The following ERBB4 variants were observed in gnomAD, a reference collection of about 807,000 sequenced individuals.
ERBB4 encodes the protein receptor tyrosine-protein kinase erbB-4.
ERBB4 carries 42 observed loss-of-function variants against 158.0 expected under a neutral mutation model. The observed-to-expected ratio is 0.27, with a 90% CI of 0.21 to 0.34. ERBB4 has a LOEUF of 0.34. ERBB4 is among the 10% of genes least tolerant of loss of function. ERBB4 has a pLI of 1.00. For synonymous variants in ERBB4, 583 were observed against 558.7 expected (o/e 1.04, Z -0.61); for missense variants, 1,333 against 1,624.1 (o/e 0.82, Z 3.08).
chr2:211,611,282 G>A (rs924630912), intron 19 of ERBB4, among the ~76,000 whole-genome samples: 15 of 151,978 alleles, frequency 9.9e-5, no homozygotes. Context: ...CAACCCACAA[G>A]CAGATAGAAA....
intron 20 of ERBB4, among the ~76,000 whole-genome samples, chr2:211,466,877 CTCTCTCTCTTT>C (rs1287855129): frequency 1.3e-5 from 2 of 152,032 alleles, no homozygotes; most frequent in African/African-American, 4.8e-5. Context: ...GTTTTCCTCT[CTCTCTCTCTTT>C]TCTCTCTCCA....
At chr2:212,406,140 A>C (rs2091337694) in intron 1 of ERBB4, among the ~76,000 whole-genome samples, 1 of 152,100 alleles carries the variant, frequency 6.6e-6, no homozygotes, top group African/African-American at 2.4e-5. Context: ...TTTTATTCCC[A>C]TAGTATGGCC....
intron 9 of ERBB4, among the ~76,000 whole-genome samples, chr2:211,706,601 C>CA (rs201615846): frequency 0.015 from 1,457 of 94,264 alleles, 11 homozygotes; most frequent in African/African-American, 0.032. Flanking sequence ...CTTAAAAAAA[C>CA]AAAAAAAAAA....
chr2:211,782,669 G>A (rs1250774764), intron 4 of ERBB4, among the ~76,000 whole-genome samples: 3 of 152,172 alleles, frequency 2.0e-5, no homozygotes, highest in South Asian at 2.1e-4. Flanking sequence ...TTCAGAGAAT[G>A]GATTCGGGAG....
intron 24 of ERBB4, 33 bp from the exon 25 acceptor site, chr2:211,420,644 T>A: frequency 1.9e-6 from 3 of 1,569,630 alleles, no homozygotes; most frequent in Non-Finnish European, 2.6e-6. Flanking sequence ...GACACAAATA[T>A]GATTCTTTCT....
intron 3 of ERBB4, 115 bp from the exon 4 acceptor site, chr2:211,788,274 C>T (rs1307621519): frequency 1.4e-6 from 1 of 731,472 alleles, no homozygotes; most frequent in African/African-American, 1.8e-5. Flanking sequence ...AGTCATGTTG[C>T]TAATAGCCAA....
chr2:211,531,481 T>C (rs563755863), intron 20 of ERBB4, among the ~76,000 whole-genome samples: 1 of 152,062 alleles, frequency 6.6e-6, no homozygotes, highest in East Asian at 1.9e-4. Context: ...TAATAATCTG[T>C]TCAAAAAATG....
chr2:212,329,125 T>C (rs2088006097), intron 1 of ERBB4, among the ~76,000 whole-genome samples: 1 of 152,064 alleles, frequency 6.6e-6, no homozygotes, highest in African/African-American at 2.4e-5. Flanking sequence ...TTTCATTTTT[T>C]CACTTTAAAG....
At chr2:211,700,114 T>C (rs1241267651) in intron 12 of ERBB4, among the ~76,000 whole-genome samples, 1 of 152,154 alleles carries the variant, frequency 6.6e-6, no homozygotes, top group Non-Finnish European at 1.5e-5. Flanking sequence ...ACTAATTTTT[T>C]TAAGGATGTG....
At chr2:211,849,512 T>A (rs867218689) in intron 3 of ERBB4, among the ~76,000 whole-genome samples, 2 of 151,958 alleles carry the variant, frequency 1.3e-5, no homozygotes, top group Non-Finnish European at 2.9e-5. Context: ...AAAGTTGATA[T>A]CTATCTTGAG....
chr2:212,390,865 T>C (rs1194506091), intron 1 of ERBB4, among the ~76,000 whole-genome samples: 2 of 151,996 alleles, frequency 1.3e-5, no homozygotes, highest in African/African-American at 2.4e-5. Context: ...TCTTACTTTA[T>C]ATATAGCACA....
chr2:211,566,941 C>G (rs535066912), intron 19 of ERBB4, among the ~76,000 whole-genome samples: 39 of 152,240 alleles, frequency 2.6e-4, no homozygotes, highest in Middle Eastern at 3.4e-3. Flanking sequence ...TTAGGAGTCT[C>G]CATTCGTAGC....
chr2:211,634,486 T>C (rs964541115), intron 16 of ERBB4, among the ~76,000 whole-genome samples: 3 of 152,180 alleles, frequency 2.0e-5, no homozygotes, highest in Non-Finnish European at 4.4e-5. Context: ...TTTGTAAGTA[T>C]AGGATAGATA....
chr2:211,417,262 C>T (rs1378932328), intron 25 of ERBB4, among the ~76,000 whole-genome samples: 1 of 151,972 alleles, frequency 6.6e-6, no homozygotes, highest in Non-Finnish European at 1.5e-5. Context: ...TGCTTGAGCT[C>T]TGGAGTTCAA....
chr2:212,221,348 G>T (rs1002607487), intron 1 of ERBB4, among the ~76,000 whole-genome samples: 1 of 151,502 alleles, frequency 6.6e-6, no homozygotes, highest in African/African-American at 2.4e-5. Flanking sequence ...GGATGTTCTT[G>T]TTAAAATTTA....
At chr2:211,621,813 A>C (rs367789100) in intron 18 of ERBB4, among the ~76,000 whole-genome samples, 1 of 152,106 alleles carries the variant, frequency 6.6e-6, no homozygotes, top group African/African-American at 2.4e-5. Context: ...TAAACACATA[A>C]ATTTGCCTAC....
intron 18 of ERBB4, among the ~76,000 whole-genome samples, chr2:211,621,052 C>T (rs975889225): frequency 2.0e-5 from 3 of 152,074 alleles, no homozygotes; most frequent in East Asian, 1.9e-4. Context: ...GAGGTTGAGG[C>T]TACGGTGAAC....
chr2:212,338,360 C>T (rs2088545460), intron 1 of ERBB4, among the ~76,000 whole-genome samples: 1 of 152,018 alleles, frequency 6.6e-6, no homozygotes, highest in African/African-American at 2.4e-5. Flanking sequence ...GTTCCTCAAG[C>T]TACAGATAAT....
intron 3 of ERBB4, among the ~76,000 whole-genome samples, chr2:211,825,066 C>T (rs2077070057): frequency 6.6e-6 from 1 of 151,836 alleles, no homozygotes. Context: ...AAGAGAGGAA[C>T]AAAGCCTTTG....
Sources: gnomAD v4.1 joint callset for allele counts (sites outside exome capture counted in the v4.1 genomes callset) on GRCh38, gnomAD v4.1.1 for gene constraint, MANE v1.5 for transcripts, NCBI Gene and HGNC (gene_info 2026-07-23, HGNC 2026-07-21) for gene names.